CAMK4: variants seen among roughly 807,000 people sequenced by gnomAD.
CAMK4 encodes the protein calcium/calmodulin dependent protein kinase IV.
Under a neutral mutation model 44.9 loss-of-function variants are expected in CAMK4, and 22 were observed. The observed-to-expected ratio is 0.49, with a 90% CI of 0.35 to 0.70. The LOEUF (loss-of-function observed/expected upper bound fraction) is 0.70. Among genes scored for constraint, CAMK4 ranks in the 30% least tolerant of loss-of-function variants. The probability of loss-of-function intolerance (pLI) is 0.01; values close to 1 mark genes in which losing one functional copy is unlikely to be tolerated. For missense variants in CAMK4, 498 were observed against 586.8 expected, an observed-to-expected ratio of 0.85 and a Z score of 1.56; for synonymous variants, 218 against 215.4, an observed-to-expected ratio of 1.01 and a Z score of -0.11.
intron 1 of CAMK4, among the ~76,000 whole-genome samples, chr5:111,317,931 A>G (rs1429386977): frequency 1.3e-5 from 2 of 149,886 alleles, no homozygotes; most frequent in East Asian, 3.9e-4. Flanking sequence ...AAAAAAAAGG[A>G]AAACAGGATT....
chr5:111,376,693 A>G (rs113941054), intron 3 of CAMK4, among the ~76,000 whole-genome samples, 167 bp from the exon 4 acceptor site: 1 of 152,150 alleles, frequency 6.6e-6, no homozygotes, highest in African/African-American at 2.4e-5. Flanking sequence ...TCAACAACCC[A>G]GAAAGAGAGT....
intron 7 of CAMK4, among the ~76,000 whole-genome samples, chr5:111,468,037 T>G (rs1754910073): frequency 6.6e-6 from 1 of 151,854 alleles, no homozygotes; most frequent in South Asian, 2.1e-4. Context: ...TGGATGGAGT[T>G]AGAGACCATT....
intron 5 of CAMK4, among the ~76,000 whole-genome samples, chr5:111,413,952 AATCT>A (rs1179750502): frequency 1.3e-5 from 2 of 151,870 alleles, no homozygotes; most frequent in African/African-American, 4.8e-5. Context: ...TTTAAATATA[AATCT>A]ATATATATAG....
At chr5:111,383,180 G>A (rs889587226) in intron 4 of CAMK4, among the ~76,000 whole-genome samples, 4 of 152,022 alleles carry the variant, frequency 2.6e-5, no homozygotes, top group African/African-American at 9.7e-5. Context: ...TGTATGAGAG[G>A]GACCTAAATT....
intron 1 of CAMK4, among the ~76,000 whole-genome samples, chr5:111,316,796 G>C (rs557886062): frequency 5.9e-5 from 9 of 152,188 alleles, no homozygotes; most frequent in Admixed American, 3.9e-4. Flanking sequence ...AATTAATATT[G>C]CATTTTCAAG....
intron 1 of CAMK4, among the ~76,000 whole-genome samples, chr5:111,262,951 A>G (rs1211862062): frequency 6.6e-6 from 1 of 152,230 alleles, no homozygotes; most frequent in Non-Finnish European, 1.5e-5. Context: ...TCTCTTTGTC[A>G]TAGAAGTATC....
At chr5:111,346,866 T>A (rs545425340) in intron 2 of CAMK4, among the ~76,000 whole-genome samples, 1 of 133,006 alleles carries the variant, frequency 7.5e-6, no homozygotes, top group East Asian at 2.3e-4. Flanking sequence ...CCAGGACTTG[T>A]AGTGAGAGAA....
intron 4 of CAMK4, among the ~76,000 whole-genome samples, chr5:111,384,037 G>A (rs1295518244): frequency 1.3e-5 from 2 of 152,166 alleles, no homozygotes; most frequent in Non-Finnish European, 2.9e-5. Context: ...GGGTAGTTCG[G>A]TCTTGATAGC....
intron 5 of CAMK4, among the ~76,000 whole-genome samples, chr5:111,437,107 C>T (rs1178905797): frequency 6.6e-6 from 1 of 152,088 alleles, no homozygotes; most frequent in Admixed American, 6.6e-5. Context: ...TCAATAAGCA[C>T]CACTGAGGTG....
intron 5 of CAMK4, among the ~76,000 whole-genome samples, chr5:111,407,602 A>C (rs2112888112): frequency 6.6e-6 from 1 of 152,298 alleles, no homozygotes; most frequent in African/African-American, 2.4e-5. Context: ...TTATCACAAT[A>C]TCTTAAACAA....
At chr5:111,289,032 T>C (rs1201423597) in intron 1 of CAMK4, among the ~76,000 whole-genome samples, 1 of 152,170 alleles carries the variant, frequency 6.6e-6, no homozygotes, top group Non-Finnish European at 1.5e-5. Context: ...AGGAAGCTCA[T>C]GGTGGGAGAG....
intron 1 of CAMK4, among the ~76,000 whole-genome samples, chr5:111,242,955 C>G (rs996539876): frequency 2.0e-5 from 3 of 152,174 alleles, no homozygotes; most frequent in Non-Finnish European, 4.4e-5. Flanking sequence ...CTGATGCTCT[C>G]TCTGCCTCTA....
rs545766145 is a variant in CAMK4 at position 111,392,930 on chromosome 5, G to C, written c.387-1780G>C. Among the ~76,000 whole-genome samples the C allele has an allele frequency of 1.5e-3, 235 of 152,214 alleles. 1 individual carries two copies. The highest frequency in any genetic ancestry group is 2.2e-3 in the Non-Finnish European group (153 of 68,000). On this transcript the variant is annotated intron_variant, in intron 4 of 10. Coordinates refer to ENST00000282356, the MANE Select transcript of CAMK4 (RefSeq NM_001744.6). ...ATAGCCTATTACTGACCCAGGAAGA[G>C]CTAGAGCAGATTGAAACGTATCAAA...
rs191711056 is a variant in CAMK4, at chr5:111,233,874, C to T, written c.161+9230C>T. ...TAAATTAAATCAGCCACTCATATTT[C>T]GACTATAGCAGAGGTCTATAAGGTG... is the stretch of plus-strand genomic sequence containing the variant. On this transcript the variant is annotated intron_variant, in intron 1 of 10. Transcript: ENST00000282356. 1.1e-3 allele frequency among the ~76,000 whole-genome samples: 174 copies of T among 152,182 alleles called. 1 individual carries two copies. Among genetic ancestry groups the T allele is most frequent in the African/African-American group, 3.8e-3 (157 of 41,534 alleles).
At chr5:111,417,835 C>A (rs943393128) in intron 5 of CAMK4, among the ~76,000 whole-genome samples, 17 of 152,140 alleles carry the variant, frequency 1.1e-4, no homozygotes, top group African/African-American at 3.1e-4. Context: ...CCATTTATTA[C>A]CTTAATTTGC....
At chr5:111,418,814 G>T (rs1752911933) in intron 5 of CAMK4, among the ~76,000 whole-genome samples, 1 of 152,020 alleles carries the variant, frequency 6.6e-6, no homozygotes, top group Non-Finnish European at 1.5e-5. Context: ...GGAGTATATG[G>T]GCCACATTTT....
chr5:111,348,303 G>T (rs183242353), intron 2 of CAMK4, among the ~76,000 whole-genome samples: 27 of 151,934 alleles, frequency 1.8e-4, no homozygotes, highest in Admixed American at 5.9e-4. Context: ...AGATGAATGC[G>T]CTGACTTATC....
intron 1 of CAMK4, among the ~76,000 whole-genome samples, chr5:111,270,781 C>A (rs1213511843): frequency 1.3e-5 from 2 of 152,214 alleles, no homozygotes; most frequent in Non-Finnish European, 2.9e-5. Flanking sequence ...GTGCCAGGCA[C>A]TAGAACCTAG....
intron 2 of CAMK4, chr5:111,364,795 T>C (rs1580655859): frequency 6.6e-6 from 1 of 152,018 alleles, no homozygotes; most frequent in South Asian, 2.1e-4. Flanking sequence ...AAATATTGGG[T>C]TTTACAATGC....
Sources: gnomAD v4.1 joint callset for allele counts (sites outside exome capture counted in the v4.1 genomes callset) on GRCh38, gnomAD v4.1.1 for gene constraint, MANE v1.5 for transcripts, NCBI Gene and HGNC (gene_info 2026-07-23, HGNC 2026-07-21) for gene names.